Variants in ATP6V0A4 observed in about 807,000 individuals in gnomAD.
ATP6V0A4 encodes the protein V-type proton ATPase 116 kDa subunit a 4.
In ATP6V0A4, 86 loss-of-function variants were observed where a neutral mutation model predicts 107.3. The ratio of observed to expected loss-of-function variants is 0.80; its 90% CI spans 0.67 to 0.96. ATP6V0A4 has a LOEUF of 0.96. ATP6V0A4 is among the 40% of genes least tolerant of loss of function. The pLI, the probability that ATP6V0A4 is intolerant of heterozygous loss-of-function variation, is 0.00. For synonymous variants in ATP6V0A4, 353 were observed against 381.4 expected (o/e 0.93, Z 0.87); for missense variants, 908 against 1,045.6 (o/e 0.87, Z 1.81).
At position 138,770,863 on chromosome 7, in the gene ATP6V0A4, G is replaced by A. The variant is rs141540100; in HGVS notation, c.117+268C>T. ...CTACATAAGAGAAAAAAAATTCAAT[G>A]ACATCTAATGAGTAGTGATTGCATT... On this transcript the variant is annotated intron_variant, in intron 3 of 21. Coordinates refer to ENST00000310018, the MANE Select transcript of ATP6V0A4 (RefSeq NM_020632.3). Among the ~76,000 whole-genome samples, 5 of 152,254 alleles carry A rather than the reference G, an allele frequency of 3.3e-5. No homozygotes were observed. In the East Asian group the frequency reaches 9.7e-4, roughly 29 times the overall value.
intron 2 of ATP6V0A4, among the ~76,000 whole-genome samples, chr7:138,781,156 A>G (rs1191678380): frequency 5.9e-5 from 9 of 152,216 alleles, no homozygotes; most frequent in African/African-American, 2.2e-4. Context: ...AAGGCTAGAG[A>G]GTTGATATTC....
At chr7:138,707,257 ATATAT>A (rs1159874305) in intron 21 of ATP6V0A4, among the ~76,000 whole-genome samples, 7 of 82,254 alleles carry the variant, frequency 8.5e-5, no homozygotes, top group Admixed American at 2.1e-4. Flanking sequence ...TATATAGAAT[ATATAT>A]TATATTATAT....
In ATP6V0A4 at chr7:138,755,786, T is replaced by C. The variant is rs780511682; in HGVS notation, c.723-4A>G. Reference sequence around the variant, plus strand: ...AGGGTAGACAGTGGCTCGAAACCTGTGTTTAATATATTCCAAAGGAAACAG... The same window carrying C: ...AGGGTAGACAGTGGCTCGAAACCTGCGTTTAATATATTCCAAAGGAAACAG... On this transcript the variant is annotated splice_polypyrimidine_tract_variant and splice_region_variant and intron_variant, in intron 9 of 21. Coordinates refer to ENST00000310018, the MANE Select transcript of ATP6V0A4 (RefSeq NM_020632.3). 11 of 1,612,390 alleles carry C rather than the reference T, an allele frequency of 6.8e-6. No homozygotes were observed. The highest frequency in any genetic ancestry group is 6.7e-5 in the East Asian group (3 of 44,890).
intron 13 of ATP6V0A4, among the ~76,000 whole-genome samples, chr7:138,746,854 C>T (rs1263075788): frequency 1.3e-5 from 2 of 152,168 alleles, no homozygotes; most frequent in Non-Finnish European, 2.9e-5. Flanking sequence ...TCAGCCTTCA[C>T]AGCACTCTGC....
intron 2 of ATP6V0A4, 105 bp from the exon 3 acceptor site, chr7:138,771,369 T>C (rs770615585): frequency 1.6e-6 from 2 of 1,281,444 alleles, no homozygotes; most frequent in Non-Finnish European, 2.1e-6. Flanking sequence ...GGAAAAAAAA[T>C]CCATTAGGAA....
At chr7:138,715,401 T>C (rs1027889418) in intron 20 of ATP6V0A4, among the ~76,000 whole-genome samples, 1 of 152,192 alleles carries the variant, frequency 6.6e-6, no homozygotes, top group African/African-American at 2.4e-5. Context: ...GGTTTCACCA[T>C]GTTGGCCAGG....
intron 19 of ATP6V0A4, among the ~76,000 whole-genome samples, chr7:138,718,716 ACG>A (rs1804280398): frequency 7.6e-6 from 1 of 131,592 alleles, no homozygotes; most frequent in Non-Finnish European, 1.7e-5. Flanking sequence ...GCGGAGGGAG[ACG>A]TCCAGGAAGG....
At chr7:138,762,876 A>T (rs770400104) in intron 6 of ATP6V0A4, 24 bp downstream of exon 6, 23 of 1,612,716 alleles carry the variant, frequency 1.4e-5, no homozygotes, top group Non-Finnish European at 1.6e-5. Context: ...CGGGCCCTTT[A>T]GTAACTCATC....
At chr7:138,782,867 G>A (rs1486167346) in intron 2 of ATP6V0A4, among the ~76,000 whole-genome samples, 1 of 152,186 alleles carries the variant, frequency 6.6e-6, no homozygotes, top group Non-Finnish European at 1.5e-5. Context: ...CTGAGGTCAG[G>A]AGTTCAAGAC....
intron 5 of ATP6V0A4, among the ~76,000 whole-genome samples, chr7:138,766,219 T>TTTA (rs201114419): frequency 1.0e-5 from 1 of 100,414 alleles, no homozygotes; most frequent in East Asian, 7.9e-4. Flanking sequence ...TTTTTTTTTT[T>TTTA]GGAAACACAG....
At chr7:138,710,705 A>G (rs115057258) in intron 20 of ATP6V0A4, among the ~76,000 whole-genome samples, 1,618 of 152,344 alleles carry the variant, frequency 0.011, 26 homozygotes, top group African/African-American at 0.034. Flanking sequence ...GGTACTGAGC[A>G]CAGGAGGTGA....
chr7:138,789,662 A>G (rs1417505704), intron 1 of ATP6V0A4, among the ~76,000 whole-genome samples: 1 of 151,600 alleles, frequency 6.6e-6, no homozygotes, highest in African/African-American at 2.4e-5. Flanking sequence ...TTTCCTGTGA[A>G]ATAATCTTTA....
chr7:138,766,220 G>GA (rs1563010630), intron 5 of ATP6V0A4, among the ~76,000 whole-genome samples: 1 of 92,238 alleles, frequency 1.1e-5, no homozygotes, highest in African/African-American at 6.7e-5. Flanking sequence ...TTTTTTTTTT[G>GA]GAAACACAGT....
chr7:138,783,961 CCTA>C (rs1178080952), intron 2 of ATP6V0A4, among the ~76,000 whole-genome samples: 2 of 151,774 alleles, frequency 1.3e-5, no homozygotes, highest in African/African-American at 4.8e-5. Context: ...TTCTAAGTTC[CCTA>C]CTGTGAACCT....
At chr7:138,708,650 C>G (rs1380857538) in intron 21 of ATP6V0A4, among the ~76,000 whole-genome samples, 5 of 152,238 alleles carry the variant, frequency 3.3e-5, no homozygotes, top group African/African-American at 1.2e-4. Flanking sequence ...CTGATTGTCA[C>G]TGGATACATC....
intron 17 of ATP6V0A4, among the ~76,000 whole-genome samples, chr7:138,732,050 C>T (rs944554792): frequency 2.6e-5 from 4 of 152,060 alleles, no homozygotes; most frequent in Non-Finnish European, 5.9e-5. Flanking sequence ...AAAATGAAAA[C>T]AGCAGCTCCC....
intron 1 of ATP6V0A4, among the ~76,000 whole-genome samples, chr7:138,789,216 TGGG>T (rs67380274): frequency 7.5e-5 from 11 of 145,740 alleles, no homozygotes; most frequent in Admixed American, 4.7e-4. Context: ...TAAGGTTTTT[TGGG>T]GGGTTTTTTT....
At chr7:138,712,743 G>A (rs1015491453) in intron 20 of ATP6V0A4, among the ~76,000 whole-genome samples, 4 of 151,550 alleles carry the variant, frequency 2.6e-5, no homozygotes, top group African/African-American at 9.7e-5. Context: ...GGAATCAAAT[G>A]ACCCCCTCAG....
intron 14 of ATP6V0A4, among the ~76,000 whole-genome samples, chr7:138,744,867 T>A (rs1177554117): frequency 6.6e-6 from 1 of 152,012 alleles, no homozygotes; most frequent in East Asian, 1.9e-4. Context: ...CACATCTGGC[T>A]AATTTTTGTA....
Sources: gnomAD v4.1 joint callset for allele counts (sites outside exome capture counted in the v4.1 genomes callset) on GRCh38, gnomAD v4.1.1 for gene constraint, MANE v1.5 for transcripts, NCBI Gene and HGNC (gene_info 2026-07-23, HGNC 2026-07-21) for gene names.